ERC1: variants seen among roughly 807,000 people sequenced by gnomAD.
ERC1 encodes RAB6 interacting protein 2.
ERC1 carries 56 observed loss-of-function variants against 132.0 expected under a neutral mutation model. That is an observed-to-expected ratio of 0.42 (90% CI 0.34 to 0.53). The LOEUF (loss-of-function observed/expected upper bound fraction) is 0.53, where lower values mean the gene tolerates loss of function less well. ERC1 is among the 20% of genes least tolerant of loss of function. ERC1 has a pLI of 0.03. For missense variants in ERC1, 1,202 were observed against 1,349.9 expected (o/e 0.89, Z 1.72); for synonymous variants, 478 against 476.1 (o/e 1.00, Z -0.05).
At chr12:1,242,879 A>C (rs935778606) in intron 13 of ERC1, among the ~76,000 whole-genome samples, 1 of 152,256 alleles carries the variant, frequency 6.6e-6, no homozygotes, top group Non-Finnish European at 1.5e-5. Context: ...TAGTGTTTAC[A>C]TTGTATTGGG....
intron 15 of ERC1, among the ~76,000 whole-genome samples, chr12:1,296,093 G>A (rs2079910991): frequency 1.3e-5 from 2 of 151,126 alleles, no homozygotes; most frequent in Non-Finnish European, 1.5e-5. Context: ...GGAATAGATA[G>A]GAAATCTCAA....
chr12:1,068,951 T>C (rs1939814950), intron 2 of ERC1, among the ~76,000 whole-genome samples: 1 of 151,908 alleles, frequency 6.6e-6, no homozygotes, highest in Non-Finnish European at 1.5e-5. Flanking sequence ...TTATTTCTTT[T>C]TTGGCGAATG....
chr12:1,157,214 C>A (rs974592929), intron 8 of ERC1, among the ~76,000 whole-genome samples: 2 of 152,168 alleles, frequency 1.3e-5, no homozygotes, highest in African/African-American at 4.8e-5. Flanking sequence ...AGCCAACCTT[C>A]CACCTCAGAC....
chr12:1,319,201 C>G (rs1007183018), intron 15 of ERC1, among the ~76,000 whole-genome samples: 2 of 152,064 alleles, frequency 1.3e-5, no homozygotes, highest in African/African-American at 4.8e-5. Flanking sequence ...AGTTTTATTG[C>G]TTTAAAAGTC....
chr12:1,383,024 G>A (rs2088872410), intron 16 of ERC1, among the ~76,000 whole-genome samples: 1 of 152,144 alleles, frequency 6.6e-6, no homozygotes. Context: ...GTCATTTCCA[G>A]ATGTAGGAAA....
intron 8 of ERC1, among the ~76,000 whole-genome samples, chr12:1,160,962 TC>T (rs1348445785): frequency 6.6e-6 from 1 of 152,218 alleles, no homozygotes; most frequent in East Asian, 1.9e-4. Flanking sequence ...ACACATATTT[TC>T]CTAGCGTTCT....
intron 7 of ERC1, among the ~76,000 whole-genome samples, chr12:1,119,517 G>A (rs892187170): frequency 1.3e-3 from 2 of 1,514 alleles, no homozygotes; most frequent in African/African-American, 2.0e-3. Flanking sequence ...TTCTTTGTGT[G>A]TGTGTGTGTG....
At chr12:1,090,884 A>G (rs1311637913) in intron 3 of ERC1, among the ~76,000 whole-genome samples, 241 of 15,254 alleles carry the variant, frequency 0.016, 102 homozygotes, top group Middle Eastern at 0.15. Context: ...TATTATTATT[A>G]TTATTATTAT....
At chr12:1,075,412 T>A (rs942648928) in intron 2 of ERC1, among the ~76,000 whole-genome samples, 12 of 152,302 alleles carry the variant, frequency 7.9e-5, no homozygotes, top group Admixed American at 2.6e-4. Context: ...AAGAAAATTG[T>A]CTGGGTGTGG....
At chr12:1,303,737 C>T (rs2080603979) in intron 15 of ERC1, among the ~76,000 whole-genome samples, 1 of 151,984 alleles carries the variant, frequency 6.6e-6, no homozygotes, top group Non-Finnish European at 1.5e-5. Context: ...GGGGCATCAC[C>T]TGAGGTCGGG....
At chr12:1,195,397 C>T (rs576326440) in intron 12 of ERC1, among the ~76,000 whole-genome samples, 1 of 152,294 alleles carries the variant, frequency 6.6e-6, no homozygotes, top group South Asian at 2.1e-4. Context: ...CTAACACAAC[C>T]ACAAGTATGT....
intron 8 of ERC1, among the ~76,000 whole-genome samples, chr12:1,161,442 A>G (rs1340530577): frequency 1.3e-5 from 2 of 152,170 alleles, no homozygotes; most frequent in Non-Finnish European, 2.9e-5. Context: ...GCTCTTAAAA[A>G]TTTCTGGTAG....
In ERC1 at chr12:1,214,666, A is replaced by ACG. The variant is rs1491110255; in HGVS notation, c.2352-22102_2352-22101insGC. Among the ~76,000 whole-genome samples, 217 of 18,324 alleles carry ACG rather than the reference A, an allele frequency of 0.012. No homozygotes were observed. The African/African-American group carries it at 0.24, about 20-fold the overall frequency. 12.0% of individuals were successfully genotyped at this position (18,324 alleles called of 152,430 possible). A position where few individuals can be genotyped will look rare whatever the true frequency, so the allele number is the denominator to read the frequency against. Reference sequence around the variant, plus strand: ...CATAAATATGCGTGTGTGTATACATACACACACACACACACACACACACAC... The same window carrying ACG: ...CATAAATATGCGTGTGTGTATACATACGCACACACACACACACACACACACAC... On this transcript the variant is annotated intron_variant, in intron 12 of 18. Transcript: ENST00000360905.
At chr12:1,084,508 G>A (rs915739010) in intron 3 of ERC1, among the ~76,000 whole-genome samples, 6 of 152,024 alleles carry the variant, frequency 3.9e-5, no homozygotes, top group Non-Finnish European at 1.5e-5. Flanking sequence ...AACAGTGAGG[G>A]CATTTTTATT....
At chr12:1,438,206 C>T (rs921595461) in intron 17 of ERC1, among the ~76,000 whole-genome samples, 1 of 152,122 alleles carries the variant, frequency 6.6e-6, no homozygotes, top group Non-Finnish European at 1.5e-5. Flanking sequence ...TTTTCCTGAC[C>T]CTGAAGTACA....
At chr12:1,227,795 G>GT (rs1322898352) in intron 12 of ERC1, among the ~76,000 whole-genome samples, 2 of 152,132 alleles carry the variant, frequency 1.3e-5, no homozygotes, top group East Asian at 3.8e-4. Flanking sequence ...TAGGTCTTAT[G>GT]TTTAAGTCTA....
chr12:1,300,296 C>T (rs1350217832), intron 15 of ERC1, among the ~76,000 whole-genome samples: 1 of 152,134 alleles, frequency 6.6e-6, no homozygotes, highest in Admixed American at 6.5e-5. Context: ...TCTTTCCTTA[C>T]ACCATATACA....
At chr12:1,168,055 C>T (rs1952619515) in intron 8 of ERC1, among the ~76,000 whole-genome samples, 1 of 152,120 alleles carries the variant, frequency 6.6e-6, no homozygotes, top group Non-Finnish European at 1.5e-5. Flanking sequence ...AGGTAAGAAA[C>T]TGACATTTGG....
intron 13 of ERC1, among the ~76,000 whole-genome samples, chr12:1,259,497 C>CTTGGG (rs1278636046): frequency 2.9e-5 from 4 of 138,700 alleles, no homozygotes; most frequent in African/African-American, 1.1e-4. Context: ...TTTTTCCTGT[C>CTTGGG]TTGGGTATCT....
Sources: gnomAD v4.1 joint callset for allele counts (sites outside exome capture counted in the v4.1 genomes callset) on GRCh38, gnomAD v4.1.1 for gene constraint, MANE v1.5 for transcripts, NCBI Gene and HGNC (gene_info 2026-07-23, HGNC 2026-07-21) for gene names.